CPEB2: variants seen among roughly 807,000 people sequenced by gnomAD.
The protein encoded by CPEB2 is cytoplasmic polyadenylation element-binding protein 2.
CPEB2 carries 56 observed loss-of-function variants against 93.6 expected under a neutral mutation model. That is an observed-to-expected ratio of 0.60 (90% confidence interval 0.48 to 0.75). The LOEUF (loss-of-function observed/expected upper bound fraction) is 0.75. Among genes scored for constraint, CPEB2 ranks in the 30% least tolerant of loss-of-function variants. The pLI is 0.00. For synonymous variants in CPEB2, 764 were observed against 586.3 expected (o/e 1.30, Z -4.38); for missense variants, 1,579 against 1,395.1 (o/e 1.13, Z -2.10).
At position 15,004,188 on chromosome 4, in the gene CPEB2, G is replaced by C. The variant is rs947144276; in HGVS notation, c.1515G>C (p.Met505Ile). 8 of 1,351,530 alleles carry C rather than the reference G, an allele frequency of 5.9e-6. No individual in the cohort carries two copies. Among genetic ancestry groups the C allele is most frequent in the Non-Finnish European group, 7.7e-6 (8 of 1,040,906 alleles). 83.7% of individuals were successfully genotyped at this position (1,351,530 alleles called of 1,614,324 possible). Residue 505 changes from methionine (M) to isoleucine (I), a missense_variant, in exon 1 of 12, where the codon ATG (methionine) becomes ATC (isoleucine). Met to Ile is a conservative substitution (Grantham distance 10). Transcript: ENST00000538197. ...TGCCCCCTCCGCCGCCGCCCGCCAT[G>C]AATATACCTCAACAGCAGCCCCCGC... The part of the protein sequence containing the change: ...TAVPPPPPPA[M>I]NIPQQQPPPP...
At position 15,066,224 on chromosome 4, in the gene CPEB2, A is replaced by C. The variant is rs1729695994; in HGVS notation, c.2949A>C (p.Lys983Asn). ...GCCAGGGCGCACGCTGTGGTGGAAA[A>C]TTTGCTCCCTTTTTTTGTGCCAATG... ...DECQGARCGG[K>N]FAPFFCANVT... Residue 983 changes from lysine to asparagine, a missense_variant, in exon 12 of 12, where the codon AAA becomes AAC. Lys to Asn is a moderately conservative substitution (Grantham distance 94). This residue lies in a region of CPEB2 where 168 missense variants were observed against 339.1 expected (regional missense o/e 0.50). Coordinates refer to ENST00000538197, the MANE Select transcript of CPEB2 (RefSeq NM_001177382.2). The C allele has an allele frequency of 6.2e-7, 1 of 1,613,122 alleles. No homozygotes were observed. Among genetic ancestry groups the C allele is most frequent in the Admixed American group, 1.7e-5 (1 of 59,924 alleles).
At position 15,067,100 on chromosome 4, in the gene CPEB2, G is replaced by C. The variant is rs1054125507; in HGVS notation, c.*720G>C. On this transcript the variant is annotated 3_prime_UTR_variant, in exon 12 of 12. Coordinates refer to ENST00000538197, the MANE Select transcript of CPEB2 (RefSeq NM_001177382.2). ...TATGGCCTAAACTGCCATAGTTTTA[G>C]AATGTGAAAAAAATGCATGTTTACT... 9 of 152,418 alleles carry C rather than the reference G, an allele frequency of 5.9e-5. No individual in the cohort carries two copies. In the East Asian group the frequency reaches 9.7e-4, roughly 16 times the overall value. 9.4% of individuals were successfully genotyped at this position (152,418 alleles called of 1,614,324 possible).
At chr4:15,059,147 G>A (rs773518215) in intron 9 of CPEB2, 40 bp from the exon 10 acceptor site, 1 of 1,174,702 alleles carries the variant, frequency 8.5e-7, no homozygotes, top group Non-Finnish European at 1.2e-6. Flanking sequence ...ATTCTCATAA[G>A]ACATCAAGGG....
In CPEB2 at chr4:15,052,493, C is replaced by T. The variant is rs1462842172; in HGVS notation, c.2280C>T (p.Pro760=). 5 of 1,597,380 alleles carry T rather than the reference C, an allele frequency of 3.1e-6. No individual in the cohort carries two copies. Among genetic ancestry groups the T allele is most frequent in the Non-Finnish European group, 4.3e-6 (5 of 1,169,676 alleles). Residue 760 remains proline, a synonymous_variant, in exon 7 of 12, where the codon CCC becomes CCT. Coordinates refer to ENST00000538197, the MANE Select transcript of CPEB2 (RefSeq NM_001177382.2). ...ATCAAGTTGGAGTTTTAAATTCACC[C>T]ACCTGTTATTCAGCTCACCAAAATG... ...HSDQVGVLNS[P]TCYSAHQNGE...
intron 8 of CPEB2, among the ~76,000 whole-genome samples, chr4:15,057,767 T>C (rs1298334206): frequency 6.6e-6 from 1 of 152,212 alleles, no homozygotes; most frequent in African/African-American, 2.4e-5. Context: ...TTAAAAGTTT[T>C]GATCCATCTG....
rs1254466310 is a variant in CPEB2 at position 15,003,608 on chromosome 4, G to C, written c.935G>C (p.Gly312Ala). Residue 312 changes from glycine (G) to alanine (A), a missense_variant, in exon 1 of 12, where the codon GGC (glycine) becomes GCC (alanine). Gly to Ala is a moderately conservative substitution (Grantham distance 60, BLOSUM62 0). Transcript: ENST00000538197. ...TCGACGCCGGTGAACCCCGCGCCGG[G>C]CTCCATGGAGTCCCCCAACCACCCT... ...ASSTPVNPAP[G>A]SMESPNHPLL... 3 of 1,478,226 alleles carry C rather than the reference G, an allele frequency of 2.0e-6. No individual in the cohort carries two copies. The highest frequency in any genetic ancestry group is 5.9e-5 in the East Asian group (2 of 33,626). 91.6% of individuals were successfully genotyped at this position (1,478,226 alleles called of 1,614,324 possible).
intron 4 of CPEB2, among the ~76,000 whole-genome samples, chr4:15,025,413 T>G (rs1725340617): frequency 6.6e-6 from 1 of 152,104 alleles, no homozygotes; most frequent in Admixed American, 6.5e-5. Flanking sequence ...GGGCTTCATC[T>G]TTTACTGTCT....
rs1224622435 is a variant in CPEB2, at chr4:15,003,573, C to G, written c.900C>G (p.Gly300=). 2.7e-6 allele frequency: 4 copies of G among 1,474,480 alleles called. No individual in the cohort carries two copies. The allele number at this position is 1,474,480 out of a possible 1,614,324, so 91.3% of individuals were successfully genotyped here. ...GCGCCGCCGAGTCCCCCAATGCGGG[C>G]TTGGCCTCCTCGACGCCGGTGAACC... ...EGSAAESPNA[G]LASSTPVNPA... The change falls in exon 1 of 12, where the codon GGC becomes GGG. Residue 300 remains glycine, a synonymous_variant. Transcript: ENST00000538197.
At chr4:15,023,885 C>G (rs1194482796) in intron 4 of CPEB2, among the ~76,000 whole-genome samples, 1 of 151,876 alleles carries the variant, frequency 6.6e-6, no homozygotes, top group African/African-American at 2.4e-5. Context: ...ACTCTGTCCT[C>G]CAAAATGATA....
chr4:15,026,586 A>G (rs929952111), intron 4 of CPEB2, among the ~76,000 whole-genome samples: 10 of 152,250 alleles, frequency 6.6e-5, no homozygotes, highest in Middle Eastern at 3.4e-3. Context: ...CATGGGAGCA[A>G]TGGCCACTTG....
chr4:15,007,199 C>G (rs941415033), intron 1 of CPEB2, 106 bp from the exon 2 acceptor site: 2 of 917,148 alleles, frequency 2.2e-6, no homozygotes, highest in South Asian at 5.6e-5. Context: ...TATTCTTTTG[C>G]CTTTATATAT....
intron 11 of CPEB2, among the ~76,000 whole-genome samples, chr4:15,064,374 G>T (rs1473431911): frequency 6.6e-6 from 1 of 151,942 alleles, no homozygotes; most frequent in Non-Finnish European, 1.5e-5. Flanking sequence ...TTTAAAGTCT[G>T]GTTTTGAGTA....
intron 10 of CPEB2, among the ~76,000 whole-genome samples, chr4:15,060,384 G>A (rs1351907650): frequency 3.3e-5 from 5 of 152,084 alleles, no homozygotes; most frequent in Non-Finnish European, 7.4e-5. Flanking sequence ...TTCAGAGAGA[G>A]GGGGGCCAGG....
intron 3 of CPEB2, among the ~76,000 whole-genome samples, chr4:15,013,340 T>C (rs1237309669): frequency 6.6e-6 from 1 of 152,070 alleles, no homozygotes; most frequent in Non-Finnish European, 1.5e-5. Flanking sequence ...ATAGATTGCA[T>C]GCACACTTTT....
chr4:15,062,036 T>G (rs771347025), intron 10 of CPEB2, 43 bp from the exon 11 acceptor site: 1 of 1,508,260 alleles, frequency 6.6e-7, no homozygotes, highest in Non-Finnish European at 9.0e-7. Flanking sequence ...TGTTGATTAC[T>G]GTGTTCTCTC....
In CPEB2 at chr4:15,004,034, C is replaced by T. The variant is rs1476978158; in HGVS notation, c.1361C>T (p.Pro454Leu). ...DSENGFYPGLPSSMNPAFFPS... is the reference protein window; with the variant it reads ...DSENGFYPGLLSSMNPAFFPS... ...GAGAACGGCTTCTACCCCGGGCTGC[C>T]GTCGTCCATGAACCCGGCCTTCTTC... Residue 454 changes from proline (P) to leucine (L), a missense_variant, in exon 1 of 12, where the codon CCG becomes CTG. Physicochemically the swap from Pro to Leu is moderately conservative, Grantham distance 98. Around this residue, in one of 2 missense-constraint regions of CPEB2, gnomAD observed 1,411 missense variants for 1,056.0 expected, o/e 1.34. Coordinates refer to ENST00000538197, the MANE Select transcript of CPEB2 (RefSeq NM_001177382.2). 4 of 1,564,138 alleles carry T rather than the reference C, an allele frequency of 2.6e-6. No individual in the cohort carries two copies. The highest frequency in any genetic ancestry group is 3.5e-6 in the Non-Finnish European group (4 of 1,158,082).
At chr4:15,031,272 T>A (rs1353852300) in intron 4 of CPEB2, among the ~76,000 whole-genome samples, 2 of 152,014 alleles carry the variant, frequency 1.3e-5, no homozygotes, top group Non-Finnish European at 2.9e-5. Context: ...TTGTAGGAGT[T>A]TGTTTTTTTT....
intron 5 of CPEB2, among the ~76,000 whole-genome samples, chr4:15,039,071 T>C (rs963671515): frequency 2.0e-5 from 3 of 152,192 alleles, no homozygotes; most frequent in Admixed American, 1.3e-4. Context: ...TCAGGTAAGC[T>C]ATAAAATAGA....
chr4:15,049,311 A>T (rs1234614480), intron 6 of CPEB2, among the ~76,000 whole-genome samples: 4 of 151,894 alleles, frequency 2.6e-5, no homozygotes, highest in Non-Finnish European at 5.9e-5. Context: ...CTCAACTTAA[A>T]TGTCTGTTAG....
Sources: gnomAD v4.1 joint callset for allele counts (sites outside exome capture counted in the v4.1 genomes callset) on GRCh38, gnomAD v4.1.1 for gene constraint, gnomAD v4.1.1 regional missense constraint, MANE v1.5 for transcripts, NCBI Gene and HGNC (gene_info 2026-07-23, HGNC 2026-07-21) for gene names.